Variants in MACROD2 observed in about 807,000 individuals in gnomAD.
MACROD2 encodes the protein ADP-ribose glycohydrolase MACROD2.
A neutral mutation model predicts 70.4 loss-of-function variants in MACROD2; 36 were observed. The observed-to-expected ratio is 0.51, with a 90% CI of 0.39 to 0.68. The LOEUF is 0.68. Ranked by LOEUF, MACROD2 falls within the 30% of genes least tolerant of loss-of-function variation. The probability of loss-of-function intolerance (pLI) is 0.00; values close to 1 mark genes in which losing one functional copy is unlikely to be tolerated. For synonymous variants in MACROD2, 172 were observed against 178.8 expected (o/e 0.96, Z 0.30); for missense variants, 496 against 538.4 (o/e 0.92, Z 0.78).
chr20:15,898,040 G>A (rs2095095167), intron 10 of MACROD2, among the ~76,000 whole-genome samples: 1 of 152,046 alleles, frequency 6.6e-6, no homozygotes, highest in African/African-American at 2.4e-5. Flanking sequence ...TTATTTTGTT[G>A]GCTAATGGTC....
At chr20:16,024,563 C>CTATG (rs2067051683) in intron 15 of MACROD2, among the ~76,000 whole-genome samples, 1 of 151,412 alleles carries the variant, frequency 6.6e-6, no homozygotes, top group Non-Finnish European at 1.5e-5. Flanking sequence ...TACCACATAG[C>CTATG]CTCTTTGTAA....
chr20:14,004,077 A>T (rs528321865), intron 2 of MACROD2, among the ~76,000 whole-genome samples: 91 of 152,316 alleles, frequency 6.0e-4, no homozygotes, highest in Non-Finnish European at 1.1e-3. Context: ...TGTTTGGATT[A>T]TACTTGCTGG....
chr20:15,056,506 A>C (rs1164798550), intron 5 of MACROD2, among the ~76,000 whole-genome samples: 1 of 152,198 alleles, frequency 6.6e-6, no homozygotes, highest in Non-Finnish European at 1.5e-5. Context: ...TGTAGACAGC[A>C]GTAATGTTCA....
At chr20:14,292,680 G>C (rs923905033) in intron 3 of MACROD2, among the ~76,000 whole-genome samples, 1 of 151,850 alleles carries the variant, frequency 6.6e-6, no homozygotes, top group Non-Finnish European at 1.5e-5. Context: ...TGTCGCCCAG[G>C]CTGGAGTGCA....
chr20:15,397,001 A>G (rs896056677), intron 6 of MACROD2, among the ~76,000 whole-genome samples: 3 of 152,218 alleles, frequency 2.0e-5, no homozygotes, highest in African/African-American at 4.8e-5. Context: ...TGAATTTCCC[A>G]TAGGGTTATT....
At chr20:14,307,021 A>ACG (rs1251426683) in intron 3 of MACROD2, among the ~76,000 whole-genome samples, 1 of 135,014 alleles carries the variant, frequency 7.4e-6, no homozygotes, top group African/African-American at 3.6e-5. Flanking sequence ...AAACACACAC[A>ACG]CACACACACA....
chr20:15,288,640 T>C (rs1158513240), intron 6 of MACROD2, among the ~76,000 whole-genome samples: 2 of 152,208 alleles, frequency 1.3e-5, no homozygotes, highest in Non-Finnish European at 2.9e-5. Flanking sequence ...CGTTTTCTCC[T>C]GTCCTTGCAC....
At chr20:14,815,323 A>T (rs1405271925) in intron 5 of MACROD2, among the ~76,000 whole-genome samples, 1 of 152,078 alleles carries the variant, frequency 6.6e-6, no homozygotes, top group East Asian at 1.9e-4. Flanking sequence ...TTCGGAAAGA[A>T]AAAAGTTATC....
At chr20:15,860,587 T>G (rs1259642176) in intron 8 of MACROD2, among the ~76,000 whole-genome samples, 2 of 152,096 alleles carry the variant, frequency 1.3e-5, no homozygotes, top group African/African-American at 4.8e-5. Context: ...GATTATGAAG[T>G]GTTTCAAATA....
intron 2 of MACROD2, among the ~76,000 whole-genome samples, chr20:14,009,429 C>CA (rs1280709507): frequency 6.6e-6 from 1 of 152,170 alleles, no homozygotes. Flanking sequence ...GATACCAACT[C>CA]ACACCAGTCT....
chr20:14,501,881 A>T (rs2084918834), intron 4 of MACROD2, among the ~76,000 whole-genome samples: 1 of 152,214 alleles, frequency 6.6e-6, no homozygotes. Flanking sequence ...CTATAAACAA[A>T]TATTTTAAAG....
chr20:16,037,839 TTGATAAACTTA>T (rs1431319870), intron 15 of MACROD2, among the ~76,000 whole-genome samples: 1 of 151,922 alleles, frequency 6.6e-6, no homozygotes, highest in Non-Finnish European at 1.5e-5. Context: ...TTAGCATGTT[TTGATAAACTTA>T]TTTTAATGGT....
chr20:15,738,662 G>A (rs1463980417), intron 8 of MACROD2, among the ~76,000 whole-genome samples: 1 of 152,150 alleles, frequency 6.6e-6, no homozygotes, highest in African/African-American at 2.4e-5. Context: ...TTGAATATCA[G>A]AAACAGAAAT....
At chr20:14,307,380 T>C (rs1048863668) in intron 3 of MACROD2, among the ~76,000 whole-genome samples, 1 of 152,170 alleles carries the variant, frequency 6.6e-6, no homozygotes, top group Non-Finnish European at 1.5e-5. Context: ...ATGGATTTGA[T>C]AAAGAACTTT....
chr20:15,486,648 A>G (rs911223722), intron 7 of MACROD2, among the ~76,000 whole-genome samples: 3 of 152,252 alleles, frequency 2.0e-5, no homozygotes, highest in Non-Finnish European at 4.4e-5. Context: ...CTTTGAATTC[A>G]TCAAATTGGT....
intron 8 of MACROD2, among the ~76,000 whole-genome samples, chr20:15,520,454 C>A (rs942335272): frequency 1.1e-4 from 17 of 152,230 alleles, no homozygotes; most frequent in African/African-American, 3.9e-4. Context: ...CCATCCATCC[C>A]TTTCACCCTG....
rs181986441 is a variant in MACROD2 at position 15,020,214 on chromosome 20, G to T, written c.419-209726G>T. On this transcript the variant is annotated intron_variant, in intron 5 of 17. Coordinates refer to ENST00000684519, the MANE Select transcript of MACROD2 (RefSeq NM_001351661.2). The stretch of plus-strand genomic sequence containing the variant: ...GGAGAAGCCACTACTGTGTTCTCTT[G>T]ATTTCCCAAGTCCTCACCTGAAAGG... 6.6e-5 allele frequency among the ~76,000 whole-genome samples: 10 copies of T among 152,212 alleles called. No individual in the cohort carries two copies. In the East Asian group the frequency reaches 1.9e-3, roughly 29 times the overall value.
At chr20:15,899,219 T>C (rs1215403383) in intron 10 of MACROD2, among the ~76,000 whole-genome samples, 1 of 152,062 alleles carries the variant, frequency 6.6e-6, no homozygotes, top group Non-Finnish European at 1.5e-5. Flanking sequence ...CACACAGACA[T>C]ATATGTATAT....
chr20:15,436,173 G>T (rs922171486), intron 7 of MACROD2, among the ~76,000 whole-genome samples: 1 of 151,880 alleles, frequency 6.6e-6, no homozygotes, highest in Admixed American at 6.6e-5. Context: ...TACTTCATAT[G>T]TCCTGCATTA....
Sources: allele counts gnomAD v4.1 joint callset (sites outside exome capture counted in the v4.1 genomes callset), GRCh38; gene constraint gnomAD v4.1.1; transcripts MANE v1.5; gene names NCBI Gene and HGNC (gene_info 2026-07-23, HGNC 2026-07-21).